Variants in HIPK2 observed in about 807,000 individuals in gnomAD.
The protein encoded by HIPK2 is homeodomain interacting protein kinase 2, also known as homeodomain-interacting protein kinase 2.
HIPK2 carries 27 observed loss-of-function variants against 113.7 expected under a neutral mutation model. That is an observed-to-expected ratio of 0.24 (90% CI 0.17 to 0.33). HIPK2 has a LOEUF of 0.33. HIPK2 is among the 10% of genes least tolerant of loss of function. HIPK2 has a pLI of 1.00. For synonymous variants in HIPK2, 631 were observed against 642.2 expected, an observed-to-expected ratio of 0.98 and a Z score of 0.26; for missense variants, 1,257 against 1,588.0, an observed-to-expected ratio of 0.79 and a Z score of 3.54.
chr7:139,670,821 T>C (rs1802258934), intron 2 of HIPK2, among the ~76,000 whole-genome samples: 1 of 139,186 alleles, frequency 7.2e-6, no homozygotes, highest in South Asian at 2.3e-4. Flanking sequence ...TGGAGTGCAA[T>C]GGCACAATCT....
chr7:139,569,317 T>A lies in HIPK2; in HGVS notation c.*3610A>T, dbSNP rs1798189486. On this transcript the variant is annotated 3_prime_UTR_variant, in exon 15 of 15. Coordinates refer to ENST00000406875, the MANE Select transcript of HIPK2 (RefSeq NM_022740.5). ...CCAGCAGCTTCTGGGAGGGGGCAAA[T>A]GTCCCTGCATTGAAGAACCTAAGCC... The A allele has an allele frequency of 6.6e-6, 1 of 152,196 alleles. No individual in the cohort carries two copies. Among genetic ancestry groups the A allele is most frequent in the African/African-American group, 2.4e-5 (1 of 41,402 alleles). The allele number at this position is 152,196 out of a possible 1,614,324, so 9.4% of individuals were successfully genotyped here.
Position 139,613,822 on chromosome 7 carries a change from T to C in HIPK2, c.1990+464A>G, listed in dbSNP as rs564894472. Among the ~76,000 whole-genome samples, 2 of 152,312 alleles carry C rather than the reference T, an allele frequency of 1.3e-5. No individual in the cohort carries two copies. The highest frequency in any genetic ancestry group is 6.5e-5 in the Admixed American group (1 of 15,308). On this transcript the variant is annotated intron_variant, in intron 8 of 14. Coordinates refer to ENST00000406875, the MANE Select transcript of HIPK2 (RefSeq NM_022740.5). The surrounding 1 kb of genome is among the most constrained non-coding windows in gnomAD (Gnocchi z 4.2). ...CTACAGGAGAGGAGTGCTGGGGTCA[T>C]GGCCAAAGAATTGTTTTGAGGAGGG...
intron 9 of HIPK2, among the ~76,000 whole-genome samples, chr7:139,605,589 T>G (rs377327112): frequency 2.0e-5 from 3 of 152,258 alleles, no homozygotes; most frequent in African/African-American, 4.8e-5. Context: ...TAAAAAACAT[T>G]GACGCTTATA....
Position 139,736,485 on chromosome 7 carries a change from G to GCAGGA in HIPK2, c.20-19475_20-19471dup, listed in dbSNP as rs1795942384. Among the ~76,000 whole-genome samples, 3 of 152,306 alleles carry GCAGGA rather than the reference G, an allele frequency of 2.0e-5. No individual in the cohort carries two copies. In the South Asian group the frequency reaches 6.2e-4, roughly 32 times the overall value. On this transcript the variant is annotated intron_variant, in intron 1 of 14. Transcript: ENST00000406875. ...GTGCTTCCCTGAGGGAACTCCCACA[G>GCAGGA]CAGGACGCGGAGAGCACACCCTCCT...
intron 2 of HIPK2, among the ~76,000 whole-genome samples, chr7:139,648,786 C>G (rs1294263201): frequency 6.6e-6 from 1 of 151,196 alleles, no homozygotes; most frequent in East Asian, 1.9e-4. Flanking sequence ...GAGGGTGCTG[C>G]GGGTTTTTTT....
At chr7:139,575,329 C>G (rs1190602554) in intron 13 of HIPK2, 41 bp from the exon 14 acceptor site, 1 of 1,525,276 alleles carries the variant, frequency 6.6e-7, no homozygotes, top group African/African-American at 1.4e-5. Flanking sequence ...GTGGCAGGGT[C>G]CCAGCTGCCC....
intron 1 of HIPK2, among the ~76,000 whole-genome samples, chr7:139,773,827 C>T (rs1302711003): frequency 2.6e-5 from 4 of 152,160 alleles, no homozygotes; most frequent in Non-Finnish European, 4.4e-5. Flanking sequence ...AGCCTGCTGC[C>T]TTGTTTAGGA....
chr7:139,715,416 G>A (rs1430598721), intron 2 of HIPK2, among the ~76,000 whole-genome samples: 1 of 152,178 alleles, frequency 6.6e-6, no homozygotes, highest in Non-Finnish European at 1.5e-5. Flanking sequence ...ACCTTATGTT[G>A]TTCAAGGTTT....
rs911207985 is a variant in HIPK2 at position 139,565,644 on chromosome 7, T to C, written c.*7283A>G. On this transcript the variant is annotated 3_prime_UTR_variant, in exon 15 of 15. Transcript: ENST00000406875. The stretch of plus-strand genomic sequence containing the variant: ...ATTGTTGCTATTTCTTTGAGAAGAG[T>C]ATCTCAAAAGAAAACATTCTTTTGT... 1 of 152,056 alleles carries C rather than the reference T, an allele frequency of 6.6e-6. No homozygotes were observed. The highest frequency in any genetic ancestry group is 2.4e-5 in the African/African-American group (1 of 41,420). The allele number at this position is 152,056 out of a possible 1,614,324, so 9.4% of individuals were successfully genotyped here. A position where few individuals can be genotyped will look rare whatever the true frequency, so the allele number is the denominator to read the frequency against.
chr7:139,721,477 A>G (rs1366890883), intron 1 of HIPK2, among the ~76,000 whole-genome samples: 3 of 152,184 alleles, frequency 2.0e-5, no homozygotes, highest in Non-Finnish European at 2.9e-5. Flanking sequence ...AAAGTGAGGG[A>G]CAATAAAGTG....
In HIPK2 at chr7:139,614,415, G is replaced by A. The variant is rs1179442627; in HGVS notation, c.1861C>T (p.Gln621Ter). 6.4e-7 allele frequency: 1 copy of A among 1,568,328 alleles called. No homozygotes were observed. Among genetic ancestry groups the A allele is most frequent in the Non-Finnish European group, 8.7e-7 (1 of 1,152,610 alleles). Residue 621 changes from glutamine to a stop codon, truncating the protein, a stop_gained, in exon 8 of 15, where the codon CAG (glutamine) becomes TAG (stop). Transcript: ENST00000406875. LOFTEE classifies it high-confidence loss of function. ...SILNYPSTLY[Q>*]PSAASMAAVA... The stretch of plus-strand genomic sequence containing the variant: ...GCAGCCATGGATGCCGCTGAGGGCT[G>A]GTAGAGTGTAGATGGGTAGTTTAGT...
chr7:139,708,465 C>T (rs979242816), intron 2 of HIPK2, among the ~76,000 whole-genome samples: 13 of 152,276 alleles, frequency 8.5e-5, no homozygotes, highest in Non-Finnish European at 1.0e-4. Flanking sequence ...AGGTTTGTTT[C>T]GGCAAGTACC....
chr7:139,730,749 T>C (rs1246678410), intron 1 of HIPK2, among the ~76,000 whole-genome samples: 1 of 152,218 alleles, frequency 6.6e-6, no homozygotes, highest in Non-Finnish European at 1.5e-5. Flanking sequence ...CCAGTACCTG[T>C]GAATGTGATC....
chr7:139,618,736 G>T (rs1800141042), intron 7 of HIPK2, among the ~76,000 whole-genome samples: 1 of 152,178 alleles, frequency 6.6e-6, no homozygotes, highest in South Asian at 2.1e-4. Flanking sequence ...ACAGCCTGCT[G>T]GGGAGACTCC....
intron 1 of HIPK2, among the ~76,000 whole-genome samples, chr7:139,770,297 AT>A (rs1321295199): frequency 6.6e-6 from 1 of 152,224 alleles, no homozygotes; most frequent in East Asian, 1.9e-4. Context: ...AAATTTTTTA[AT>A]TTAATACTCA....
intron 2 of HIPK2, among the ~76,000 whole-genome samples, chr7:139,634,700 CAG>C (rs368714993): frequency 0.016 from 1,338 of 84,716 alleles, 29 homozygotes; most frequent in African/African-American, 0.096. Context: ...TTTTTTGAGA[CAG>C]AGTCTTGCTC....
chr7:139,603,646 T>G (rs1191086459), intron 10 of HIPK2, among the ~76,000 whole-genome samples: 1 of 152,150 alleles, frequency 6.6e-6, no homozygotes, highest in African/African-American at 2.4e-5. Context: ...GACTCCAGAG[T>G]ACCCCCGTCT....
intron 2 of HIPK2, among the ~76,000 whole-genome samples, chr7:139,666,509 G>A (rs1432783367): frequency 6.6e-6 from 1 of 152,172 alleles, no homozygotes; most frequent in Non-Finnish European, 1.5e-5. Context: ...ACTCAGATAA[G>A]ATGCAACAGA....
intron 7 of HIPK2, among the ~76,000 whole-genome samples, chr7:139,616,428 C>T (rs1029288397): frequency 6.6e-6 from 1 of 152,186 alleles, no homozygotes; most frequent in African/African-American, 2.4e-5. Flanking sequence ...CCCTGTTTTC[C>T]CTGGTTTGGC....
Sources: allele counts gnomAD v4.1 joint callset (sites outside exome capture counted in the v4.1 genomes callset), GRCh38; gene constraint gnomAD v4.1.1; non-coding constraint Gnocchi (gnomAD v3.1); transcripts MANE v1.5; gene names NCBI Gene and HGNC (gene_info 2026-07-23, HGNC 2026-07-21).